COMMD1: variants seen among roughly 807,000 people sequenced by gnomAD.
The protein encoded by COMMD1 is copper metabolism domain containing 1, also known as COMM domain-containing protein 1.
In COMMD1, 10 loss-of-function variants were observed where a neutral mutation model predicts 17.2. That is an observed-to-expected ratio of 0.58 (90% CI 0.36 to 0.99). COMMD1 has a LOEUF of 0.99. COMMD1 is among the 50% of genes least tolerant of loss of function. The pLI, the probability that COMMD1 is intolerant of heterozygous loss-of-function variation, is 0.01. For missense variants in COMMD1, 270 were observed against 231.8 expected, an observed-to-expected ratio of 1.17 and a Z score of -1.07; for synonymous variants, 97 against 91.6, an observed-to-expected ratio of 1.06 and a Z score of -0.34.
chr2:62,104,538 G>T (rs1230998878), intron 2 of COMMD1, among the ~76,000 whole-genome samples: 2 of 150,456 alleles, frequency 1.3e-5, no homozygotes, highest in African/African-American at 2.5e-5. Context: ...GGAAGCTGAG[G>T]CAGGAGAATC....
At chr2:61,963,607 G>A (rs1317034450) in intron 1 of COMMD1, among the ~76,000 whole-genome samples, 1 of 152,160 alleles carries the variant, frequency 6.6e-6, no homozygotes, top group Non-Finnish European at 1.5e-5. Flanking sequence ...GCCTCCCAAA[G>A]TGCTAGGATT....
At chr2:62,066,305 G>C (rs1438280786) in intron 2 of COMMD1, among the ~76,000 whole-genome samples, 1 of 152,022 alleles carries the variant, frequency 6.6e-6, no homozygotes, top group Non-Finnish European at 1.5e-5. Flanking sequence ...CCTATACTTA[G>C]GTTGAGGGAG....
chr2:61,989,009 G>A lies in COMMD1; in HGVS notation c.181-11692G>A, dbSNP rs116927803. Among the ~76,000 whole-genome samples the A allele has an allele frequency of 1.2e-3, 176 of 152,286 alleles. 2 individuals are homozygous for A. The East Asian group carries it at 0.03, about 26-fold the overall frequency. On this transcript the variant is annotated intron_variant, in intron 1 of 2. Transcript: ENST00000311832. ...TTCTCTCTACTTGGCTGCTGCTAGCGGATGGGGGAAGGGTGGTGTCGGAAA... is the reference window on the plus strand; with the variant it reads ...TTCTCTCTACTTGGCTGCTGCTAGCAGATGGGGGAAGGGTGGTGTCGGAAA...
chr2:61,950,385 A>G (rs1671020366), intron 1 of COMMD1, among the ~76,000 whole-genome samples: 1 of 152,236 alleles, frequency 6.6e-6, no homozygotes, highest in Non-Finnish European at 1.5e-5. Flanking sequence ...AGGAGAAAAG[A>G]CAGGGTTTAT....
At position 62,009,198 on chromosome 2, in the gene COMMD1, G is replaced by C. The variant is rs1280044514; in HGVS notation, c.462+8216G>C. Among the ~76,000 whole-genome samples the C allele has an allele frequency of 3.3e-5, 5 of 152,248 alleles. No homozygotes were observed. The South Asian group carries it at 6.2e-4, about 19-fold the overall frequency. ...TCTGAATGAGTCAACTCTTTTTGTA[G>C]CTCTAAGAAGTGTTCCATAATAGTT... On this transcript the variant is annotated intron_variant, in intron 2 of 2. Coordinates refer to ENST00000311832, the MANE Select transcript of COMMD1 (RefSeq NM_152516.4).
intron 2 of COMMD1, among the ~76,000 whole-genome samples, chr2:62,003,188 G>T (rs1669006831): frequency 6.6e-6 from 1 of 151,330 alleles, no homozygotes; most frequent in South Asian, 2.1e-4. Context: ...AGCCGAGATG[G>T]TGCCACTGCA....
chr2:62,129,280 T>A (rs1193814475), intron 2 of COMMD1, among the ~76,000 whole-genome samples: 1 of 152,174 alleles, frequency 6.6e-6, no homozygotes, highest in African/African-American at 2.4e-5. Context: ...AACCTCTCTC[T>A]CCTCTTGCCT....
chr2:62,129,699 A>G (rs1469190654), intron 2 of COMMD1, among the ~76,000 whole-genome samples: 1 of 152,170 alleles, frequency 6.6e-6, no homozygotes, highest in Non-Finnish European at 1.5e-5. Context: ...AATGTCTGCC[A>G]TATGTGTTCA....
In COMMD1 at chr2:62,077,108, G is replaced by A. The variant is rs1380504035; in HGVS notation, c.463-58723G>A. Among the ~76,000 whole-genome samples the A allele has an allele frequency of 2.0e-5, 3 of 152,174 alleles. No homozygotes were observed. In the East Asian group the frequency reaches 5.8e-4, roughly 29 times the overall value. On this transcript the variant is annotated intron_variant, in intron 2 of 2. Coordinates refer to ENST00000311832, the MANE Select transcript of COMMD1 (RefSeq NM_152516.4). Reference sequence around the variant, plus strand: ...ATTGCACCACTGCCCTCCAGCCTGGGTGACCGAGTGAGACCCTGTCTGAAA... The same window carrying A: ...ATTGCACCACTGCCCTCCAGCCTGGATGACCGAGTGAGACCCTGTCTGAAA...
At chr2:62,023,923 A>G (rs1669683312) in intron 2 of COMMD1, among the ~76,000 whole-genome samples, 1 of 152,254 alleles carries the variant, frequency 6.6e-6, no homozygotes, top group East Asian at 1.9e-4. Context: ...TTTAAAAAAA[A>G]TCAGTGTTGT....
intron 2 of COMMD1, among the ~76,000 whole-genome samples, chr2:62,040,647 C>T (rs1478480798): frequency 2.6e-5 from 4 of 152,084 alleles, no homozygotes; most frequent in African/African-American, 7.2e-5. Flanking sequence ...TTAGTATACA[C>T]CTGTCAGTTT....
chr2:62,013,956 T>C (rs1669361061), intron 2 of COMMD1, among the ~76,000 whole-genome samples: 1 of 152,226 alleles, frequency 6.6e-6, no homozygotes, highest in East Asian at 1.9e-4. Flanking sequence ...ACTCTCAACT[T>C]ACAGAGAGAT....
chr2:61,894,564 G>C (rs952182657), intron 1 of COMMD1, among the ~76,000 whole-genome samples: 6 of 151,556 alleles, frequency 4.0e-5, no homozygotes, highest in African/African-American at 1.2e-4. Context: ...ATGTGGACTA[G>C]AAACGTTTCA....
At chr2:61,893,679 T>G (rs2105155573) in intron 1 of COMMD1, among the ~76,000 whole-genome samples, 1 of 152,214 alleles carries the variant, frequency 6.6e-6, no homozygotes, top group Middle Eastern at 3.4e-3. Flanking sequence ...CTGGGCATGG[T>G]GGCACATGCC....
intron 2 of COMMD1, among the ~76,000 whole-genome samples, chr2:62,053,651 A>C (rs551998271): frequency 6.6e-6 from 1 of 152,232 alleles, no homozygotes; most frequent in Non-Finnish European, 1.5e-5. Flanking sequence ...CCAGCAGAAC[A>C]TCTGGAAACA....
intron 2 of COMMD1, among the ~76,000 whole-genome samples, chr2:62,033,219 A>G (rs1165085640): frequency 3.3e-5 from 5 of 152,170 alleles, no homozygotes; most frequent in African/African-American, 4.8e-5. Context: ...GACCTGATTT[A>G]CTTCTTTTTT....
chr2:62,037,643 C>T (rs1285097819), intron 2 of COMMD1, among the ~76,000 whole-genome samples: 1 of 152,020 alleles, frequency 6.6e-6, no homozygotes, highest in Non-Finnish European at 1.5e-5. Context: ...ATGATGTTAC[C>T]CAGAAGTCTC....
At chr2:62,051,877 G>A (rs1247266039) in intron 2 of COMMD1, among the ~76,000 whole-genome samples, 1 of 152,194 alleles carries the variant, frequency 6.6e-6, no homozygotes, top group Non-Finnish European at 1.5e-5. Context: ...AGCATTCGGT[G>A]ACTATGCCAA....
intron 1 of COMMD1, among the ~76,000 whole-genome samples, chr2:61,933,267 TGCTTGTATCCCCATTGCTTAGCC>T (rs1213211402): frequency 2.6e-5 from 4 of 151,932 alleles, no homozygotes; most frequent in Non-Finnish European, 4.4e-5. Flanking sequence ...ATTGCTCAGC[TGCTTGTATCCCCATTGCTTAGCC>T]GCTTGTATCC....
Sources: gnomAD v4.1 joint callset for allele counts (sites outside exome capture counted in the v4.1 genomes callset) on GRCh38, gnomAD v4.1.1 for gene constraint, MANE v1.5 for transcripts, NCBI Gene and HGNC (gene_info 2026-07-23, HGNC 2026-07-21) for gene names.